Variants in STARD13 observed in about 807,000 individuals in gnomAD.
STARD13 encodes stAR-related lipid transfer protein 13.
STARD13 carries 62 observed loss-of-function variants against 106.4 expected under a neutral mutation model. That is an observed-to-expected ratio of 0.58 (90% confidence interval 0.48 to 0.72). The LOEUF (loss-of-function observed/expected upper bound fraction) is 0.72. STARD13 is among the 30% of genes least tolerant of loss of function. The pLI is 0.00. For synonymous variants in STARD13, 565 were observed against 553.0 expected (o/e 1.02, Z -0.31); for missense variants, 1,387 against 1,424.0 (o/e 0.97, Z 0.42).
At chr13:33,305,505 A>G (rs1892872814) in intron 1 of STARD13, among the ~76,000 whole-genome samples, 1 of 152,242 alleles carries the variant, frequency 6.6e-6, no homozygotes, top group Non-Finnish European at 1.5e-5. Context: ...GCTATGAACT[A>G]TACTAAATAC....
At chr13:33,391,758 T>C in the STARD13 span, among the ~76,000 whole-genome samples, 1 of 152,128 alleles carries the variant, frequency 6.6e-6, no homozygotes, top group Admixed American at 6.5e-5. Context: ...TGCATGGGGC[T>C]GTGATCTCTC....
intron 3 of STARD13, among the ~76,000 whole-genome samples, chr13:33,151,400 G>A (rs1361779526): frequency 6.6e-6 from 1 of 152,148 alleles, no homozygotes; most frequent in Non-Finnish European, 1.5e-5. Flanking sequence ...AAGCAGGAGG[G>A]AGAGATAGAA....
the STARD13 span, among the ~76,000 whole-genome samples, chr13:33,576,805 A>C: frequency 2.0e-5 from 3 of 152,214 alleles, no homozygotes; most frequent in African/African-American, 7.2e-5. Context: ...CCATATAATA[A>C]GGTATGTTCA....
chr13:33,657,166 A>G, the STARD13 span, among the ~76,000 whole-genome samples: 2 of 152,164 alleles, frequency 1.3e-5, no homozygotes, highest in African/African-American at 4.8e-5. Flanking sequence ...GCTACTCGGG[A>G]GGCTGAGGCA....
the STARD13 span, among the ~76,000 whole-genome samples, chr13:33,634,759 C>T: frequency 1.4e-4 from 22 of 152,272 alleles, no homozygotes; most frequent in South Asian, 3.3e-3. Flanking sequence ...TTCTCTCTCG[C>T]TTGGTTGAAT....
At chr13:33,467,223 T>G in the STARD13 span, among the ~76,000 whole-genome samples, 1 of 151,992 alleles carries the variant, frequency 6.6e-6, no homozygotes, top group East Asian at 1.9e-4. Flanking sequence ...TTTGTTTCCC[T>G]GCAACTAGAT....
chr13:33,400,465 AT>A, the STARD13 span, among the ~76,000 whole-genome samples: 1,004 of 140,336 alleles, frequency 7.2e-3, 6 homozygotes, highest in African/African-American at 0.016. Flanking sequence ...TTCAATGGCT[AT>A]TTTTTTTTTT....
At chr13:33,271,892 C>T (rs527415822) in intron 1 of STARD13, among the ~76,000 whole-genome samples, 1 of 152,166 alleles carries the variant, frequency 6.6e-6, no homozygotes, top group East Asian at 1.9e-4. Flanking sequence ...ATGAAGATGA[C>T]AGGGTTGCAC....
the STARD13 span, among the ~76,000 whole-genome samples, chr13:33,653,921 T>C: frequency 6.6e-6 from 1 of 152,080 alleles, no homozygotes; most frequent in Admixed American, 6.6e-5. Context: ...AACCCACACA[T>C]GAAAATATTT....
chr13:33,666,588 C>A, the STARD13 span, among the ~76,000 whole-genome samples: 1 of 152,066 alleles, frequency 6.6e-6, no homozygotes, highest in Non-Finnish European at 1.5e-5. Context: ...AGCCACTGCA[C>A]CCAGCCTATT....
At position 33,285,607 on chromosome 13, in the gene STARD13, G is replaced by A. The variant is rs1892018914; in HGVS notation, c.32C>T (p.Ser11Leu). 3.1e-6 allele frequency: 5 copies of A among 1,613,528 alleles called. No homozygotes were observed. The highest frequency in any genetic ancestry group is 1.3e-5 in the African/African-American group (1 of 74,910). MFSQVPRTPA[S>L]GCYYLNSMTP... ...CATGGAATTTAGGTAGTAGCAGCCTGAGGCTGGGGTCCTGGGCACCTGACT... is the reference window on the plus strand; with the variant it reads ...CATGGAATTTAGGTAGTAGCAGCCTAAGGCTGGGGTCCTGGGCACCTGACT... The change falls in exon 1 of 14, where the codon TCA (serine) becomes TTA (leucine). Residue 11 changes from serine (S) to leucine (L), a missense_variant. By Grantham distance (145) the Ser-to-Leu change is moderately radical. Transcript: ENST00000336934.
chr13:33,136,408 C>A lies in STARD13; in HGVS notation c.387+5902G>T, dbSNP rs534581959. On this transcript the variant is annotated intron_variant, in intron 4 of 13. Coordinates refer to ENST00000336934, the MANE Select transcript of STARD13 (RefSeq NM_178006.4). ...ATAGGGGCAGCTTCCTGGTGAAACCCCACCCTCAAGCCAAAGACAGTTTGA... is the reference window on the plus strand; with the variant it reads ...ATAGGGGCAGCTTCCTGGTGAAACCACACCCTCAAGCCAAAGACAGTTTGA... Among the ~76,000 whole-genome samples, 7 of 152,318 alleles carry A rather than the reference C, an allele frequency of 4.6e-5. No individual in the cohort carries two copies. The South Asian group carries it at 1.5e-3, about 32-fold the overall frequency.
the STARD13 span, among the ~76,000 whole-genome samples, chr13:33,437,448 T>G: frequency 6.6e-6 from 1 of 152,144 alleles, no homozygotes; most frequent in Non-Finnish European, 1.5e-5. Flanking sequence ...TCTGAGGAGT[T>G]TTGCCTGCGG....
chr13:33,270,292 C>T (rs1891095674), intron 1 of STARD13, among the ~76,000 whole-genome samples: 1 of 152,056 alleles, frequency 6.6e-6, no homozygotes, highest in Non-Finnish European at 1.5e-5. Context: ...TTCCCATATC[C>T]TTGAGGAGTG....
chr13:33,228,791 T>TAA (rs951733584), intron 1 of STARD13, among the ~76,000 whole-genome samples: 1 of 152,208 alleles, frequency 6.6e-6, no homozygotes, highest in African/African-American at 2.4e-5. Context: ...TAGAGTCTGA[T>TAA]AACCAAAAAG....
intron 1 of STARD13, among the ~76,000 whole-genome samples, chr13:33,191,488 G>A (rs1171887369): frequency 1.3e-5 from 2 of 152,010 alleles, no homozygotes; most frequent in Non-Finnish European, 2.9e-5. Context: ...TGTCTCTTTG[G>A]AAAAATGTAA....
chr13:33,148,044 C>G (rs377088319), intron 3 of STARD13, among the ~76,000 whole-genome samples: 1 of 152,136 alleles, frequency 6.6e-6, no homozygotes, highest in Non-Finnish European at 1.5e-5. Flanking sequence ...TAGACACAGA[C>G]CTTATATCAT....
chr13:33,470,116 T>C, the STARD13 span, among the ~76,000 whole-genome samples: 1 of 152,194 alleles, frequency 6.6e-6, no homozygotes, highest in Non-Finnish European at 1.5e-5. Flanking sequence ...TTCTCATTGT[T>C]CAACTCCCAT....
At position 33,343,577 on chromosome 13, in the gene STARD13, T is replaced by TAAAAAAAAA. The variant is rs1292508834; in HGVS notation, c.124+6704_124+6712dup. ...TGGGCAACAGATTGAGACCCTGTCTTAAAAAAAAAAAAAAAAAAAACAAAT... is the reference window on the plus strand; with the variant it reads ...TGGGCAACAGATTGAGACCCTGTCTTAAAAAAAAAAAAAAAAAAAAAAAAAAAAACAAAT... On this transcript the variant is annotated intron_variant, in intron 1 of 5. Transcript: ENST00000567873. Among the ~76,000 whole-genome samples the TAAAAAAAAA allele has an allele frequency of 9.2e-3, 342 of 37,088 alleles. 51 individuals carry two copies. Among genetic ancestry groups the TAAAAAAAAA allele is most frequent in the Non-Finnish European group, 0.013 (290 of 21,530 alleles). The allele number at this position is 37,088 out of a possible 152,430, so 24.3% of individuals were successfully genotyped here.
Sources: allele counts gnomAD v4.1 joint callset (sites outside exome capture counted in the v4.1 genomes callset), GRCh38; gene constraint gnomAD v4.1.1; transcripts MANE v1.5; gene names NCBI Gene and HGNC (gene_info 2026-07-23, HGNC 2026-07-21).